DRG2: variants seen among roughly 807,000 people sequenced by gnomAD.
The protein encoded by DRG2 is developmentally regulated GTP binding protein 2, also known as developmentally-regulated GTP-binding protein 2.
DRG2 carries 36 observed loss-of-function variants against 53.4 expected under a neutral mutation model. The observed-to-expected ratio is 0.67, with a 90% CI of 0.52 to 0.89. DRG2 has a LOEUF of 0.89. Among genes scored for constraint, DRG2 ranks in the 40% least tolerant of loss-of-function variants. The probability of loss-of-function intolerance (pLI) is 0.00; values close to 1 mark genes in which losing one functional copy is unlikely to be tolerated. For missense variants in DRG2, 342 were observed against 481.2 expected (o/e 0.71, Z 2.71); for synonymous variants, 167 against 192.1 (o/e 0.87, Z 1.08).
Position 18,104,561 on chromosome 17 carries a change from A to T in DRG2, c.896-62A>T. On this transcript the variant is annotated intron_variant, in intron 10 of 12. Coordinates refer to ENST00000225729, the MANE Select transcript of DRG2 (RefSeq NM_001388.5). The stretch of plus-strand genomic sequence containing the variant: ...GTGGCCAGCTCTTCCCTCGCGCAGA[A>T]TCACAAGATGGCAGTGTGGGCCCTG... 5.6e-6 allele frequency: 9 copies of T among 1,611,014 alleles called. No individual in the cohort carries two copies. The South Asian group carries it at 9.9e-5, about 18-fold the overall frequency.
rs886251567 is a variant in DRG2 at position 18,087,951 on chromosome 17, C to G, written c.-73C>G. 2.0e-6 allele frequency: 3 copies of G among 1,512,408 alleles called. No individual in the cohort carries two copies. Among genetic ancestry groups the G allele is most frequent in the Admixed American group, 2.0e-5 (1 of 49,876 alleles). The allele number at this position is 1,512,408 out of a possible 1,614,324, so 93.7% of individuals were successfully genotyped here. A position where few individuals can be genotyped will look rare whatever the true frequency, so the allele number is the denominator to read the frequency against. Reference sequence around the variant, plus strand: ...CTTTGGCTTCCGGGCGCACGCTACTCTGTCGCCGCCGTCAGACCGGAATTG... The same window carrying G: ...CTTTGGCTTCCGGGCGCACGCTACTGTGTCGCCGCCGTCAGACCGGAATTG... On this transcript the variant is annotated 5_prime_UTR_variant, in exon 1 of 13. Coordinates refer to ENST00000225729, the MANE Select transcript of DRG2 (RefSeq NM_001388.5).
In DRG2 at chr17:18,099,666, C is replaced by T. The variant is rs763354888; in HGVS notation, c.410C>T (p.Ala137Val). 8.1e-6 allele frequency: 13 copies of T among 1,607,450 alleles called. No individual in the cohort carries two copies. The highest frequency in any genetic ancestry group is 4.5e-5 in the South Asian group (4 of 89,318). The stretch of plus-strand genomic sequence containing the variant: ...CGTGGCCGGCAGGTGATCGCTGTGG[C>T]GCGCACGGCTGACGTCATCATCATG... ...KGRGRQVIAVARTADVIIMML... is the reference protein window; with the variant it reads ...KGRGRQVIAVVRTADVIIMML... Residue 137 changes from alanine (A) to valine (V), a missense_variant, in exon 5 of 13, where the codon GCG (alanine) becomes GTG (valine). Transcript: ENST00000225729. This position sits in a 1 kb window ranked among gnomAD's most constrained non-coding sequence, Gnocchi z 4.4.
At position 18,099,896 on chromosome 17, in the gene DRG2, G is replaced by T; in HGVS notation, c.467+173G>T. 1.5e-6 allele frequency: 1 copy of T among 674,482 alleles called. No homozygotes were observed. The highest frequency in any genetic ancestry group is 2.6e-6 in the Non-Finnish European group (1 of 391,348). 41.8% of individuals were successfully genotyped at this position (674,482 alleles called of 1,614,324 possible). On this transcript the variant is annotated intron_variant, in intron 5 of 12. Transcript: ENST00000225729. The surrounding 1 kb of genome is among the most constrained non-coding windows in gnomAD (Gnocchi z 4.4). ...CAGCCTATGGCGTCTTCTCCTCAAG[G>T]CTTGTGTCCAGCCAGCACAGAGGTA... is the stretch of plus-strand genomic sequence containing the variant.
At position 18,101,217 on chromosome 17, in the gene DRG2, C is replaced by G. The variant is rs1163430375; in HGVS notation, c.632-276C>G. Among the ~76,000 whole-genome samples, 8 of 152,200 alleles carry G rather than the reference C, an allele frequency of 5.3e-5. No homozygotes were observed. The East Asian group carries it at 9.6e-4, about 18-fold the overall frequency. On this transcript the variant is annotated intron_variant, in intron 7 of 12. Coordinates refer to ENST00000225729, the MANE Select transcript of DRG2 (RefSeq NM_001388.5). ...TCCTGGTGCTAAAACCCAGGCTTCC[C>G]CTGAGGGGCTTTGGGGATTCTAGCA...
At chr17:18,094,251 G>A in intron 2 of DRG2, 1 of 353,036 alleles carries the variant, frequency 2.8e-6, no homozygotes, top group Non-Finnish European at 5.3e-6. Flanking sequence ...GCTGGGCACT[G>A]TGCCAGGGAC....
In DRG2 at chr17:18,107,243, GCGCCTGCCGGGCCTCC is replaced by G. The variant is rs1248006509; in HGVS notation, c.*8_*23del. ...TCATCCAGATCGTGAAGAAGTAACG[GCGCCTGCCGGGCCTCC>G]CGCCCACCTGCCTCGTCTCCCTGGG... is the stretch of plus-strand genomic sequence containing the variant. On this transcript the variant is annotated 3_prime_UTR_variant, in exon 13 of 13. Coordinates refer to ENST00000225729, the MANE Select transcript of DRG2 (RefSeq NM_001388.5). The G allele has an allele frequency of 6.2e-6, 10 of 1,612,096 alleles. No homozygotes were observed. In the South Asian group the frequency reaches 8.8e-5, roughly 14 times the overall value.
Position 18,102,246 on chromosome 17 carries a change from C to T in DRG2, c.806+249C>T, listed in dbSNP as rs555295483. ...TTGGCCCATTCCAGTTCTGAATTGC[C>T]GTGGGCAGGGTGGGTGACGTCTTGT... On this transcript the variant is annotated intron_variant, in intron 9 of 12. Coordinates refer to ENST00000225729, the MANE Select transcript of DRG2 (RefSeq NM_001388.5). Among the ~76,000 whole-genome samples the T allele has an allele frequency of 5.3e-5, 8 of 152,306 alleles. No individual in the cohort carries two copies. The East Asian group carries it at 5.8e-4, about 11-fold the overall frequency.
chr17:18,107,168 G>A lies in DRG2; in HGVS notation c.1023G>A (p.Lys341=). The part of the protein sequence containing the change: ...KYALVWGTST[K]YSPQRVGLTH... Reference sequence around the variant, plus strand: ...TCCTCACCCAGGGCACCAGCACCAAGTACAGTCCGCAGCGGGTGGGCCTGA... The same window carrying A: ...TCCTCACCCAGGGCACCAGCACCAAATACAGTCCGCAGCGGGTGGGCCTGA... The change falls in exon 13 of 13, where the codon AAG becomes AAA. Residue 341 remains lysine, a synonymous_variant. Transcript: ENST00000225729. 2 of 1,613,450 alleles carry A rather than the reference G, an allele frequency of 1.2e-6. No homozygotes were observed. Among genetic ancestry groups the A allele is most frequent in the Non-Finnish European group, 1.7e-6 (2 of 1,179,986 alleles).
chr17:18,097,143 C>G (rs1397311820), intron 2 of DRG2: 2 of 152,182 alleles, frequency 1.3e-5, no homozygotes, highest in Non-Finnish European at 2.9e-5. Flanking sequence ...GGAGTGGCCC[C>G]GAGGTTGGTT....
At chr17:18,092,068 A>C (rs1263106818) in intron 1 of DRG2, 1 of 152,180 alleles carries the variant, frequency 6.6e-6, no homozygotes, top group Non-Finnish European at 1.5e-5. Flanking sequence ...CTGCACCTCA[A>C]ATGATGGTAA....
rs2045484353 is a variant in DRG2 at position 18,099,262 on chromosome 17, G to A, written c.376+185G>A. The A allele has an allele frequency of 8.5e-6, 6 of 705,004 alleles. No homozygotes were observed. In the South Asian group the frequency reaches 1.1e-4, roughly 13 times the overall value. 43.7% of individuals were successfully genotyped at this position (705,004 alleles called of 1,614,324 possible). A position where few individuals can be genotyped will look rare whatever the true frequency, so the allele number is the denominator to read the frequency against. ...CTTGTGATCTTGGGCAAGTGATTGGGTATCTCTAAGCCAAGCCTCAGTTTC... is the reference window on the plus strand; with the variant it reads ...CTTGTGATCTTGGGCAAGTGATTGGATATCTCTAAGCCAAGCCTCAGTTTC... On this transcript the variant is annotated intron_variant, in intron 4 of 12. Coordinates refer to ENST00000225729, the MANE Select transcript of DRG2 (RefSeq NM_001388.5). This position sits in a 1 kb window ranked among gnomAD's most constrained non-coding sequence, Gnocchi z 4.4.
At chr17:18,093,784 C>T (rs1286776819) in intron 1 of DRG2, 29 bp from the exon 2 acceptor site, 1 of 1,606,714 alleles carries the variant, frequency 6.2e-7, no homozygotes, top group Admixed American at 1.7e-5. Context: ...CCTGGCCACT[C>T]ATCTTCTGTC....
intron 2 of DRG2, among the ~76,000 whole-genome samples, chr17:18,094,974 CAAAAAAA>C (rs1165321853): frequency 1.2e-4 from 3 of 25,306 alleles, no homozygotes; most frequent in Non-Finnish European, 1.7e-4. Flanking sequence ...AACTCCATCT[CAAAAAAA>C]AAAAAAAAAA....
At chr17:18,090,502 C>T (rs184113826) in intron 1 of DRG2, among the ~76,000 whole-genome samples, 7 of 144,446 alleles carry the variant, frequency 4.8e-5, no homozygotes, top group Admixed American at 1.4e-4. Flanking sequence ...CCGCAACCTC[C>T]GCCTCCCAGG....
Position 18,099,141 on chromosome 17 carries a change from G to A in DRG2, c.376+64G>A, listed in dbSNP as rs140748317. ...CTCTGTTACTGATCGTTGAAATTGG[G>A]TGTGGCTGTCATGGAGATCACTCTG... is the stretch of plus-strand genomic sequence containing the variant. On this transcript the variant is annotated intron_variant, in intron 4 of 12. Coordinates refer to ENST00000225729, the MANE Select transcript of DRG2 (RefSeq NM_001388.5). This position sits in a 1 kb window ranked among gnomAD's most constrained non-coding sequence, Gnocchi z 4.4. 1.7e-5 allele frequency: 28 copies of A among 1,604,384 alleles called. No homozygotes were observed. In the East Asian group the frequency reaches 5.8e-4, roughly 33 times the overall value.
Position 18,099,773 on chromosome 17 carries a change from TG to T in DRG2, c.467+51del. On this transcript the variant is annotated intron_variant, in intron 5 of 12. Transcript: ENST00000225729. This position sits in a 1 kb window ranked among gnomAD's most constrained non-coding sequence, Gnocchi z 4.4. ...GGCTCACATGTCTGGGGAGGGCCAA[TG>T]TGTCCCTGAGCTCGTACTAGGCGGC... 6.5e-7 allele frequency: 1 copy of T among 1,545,926 alleles called. No homozygotes were observed. Among genetic ancestry groups the T allele is most frequent in the Non-Finnish European group, 8.8e-7 (1 of 1,138,858 alleles).
intron 11 of DRG2, chr17:18,106,120 TC>T (rs1311591070): frequency 2.3e-6 from 1 of 426,132 alleles, no homozygotes; most frequent in East Asian, 4.4e-5. Flanking sequence ...GAGCATCTGT[TC>T]AGGCAAGGCA....
At position 18,100,747 on chromosome 17, in the gene DRG2, G is replaced by A. The variant is rs2045518159; in HGVS notation, c.631+88G>A. The A allele has an allele frequency of 1.5e-6, 2 of 1,346,998 alleles. No homozygotes were observed. Among genetic ancestry groups the A allele is most frequent in the Non-Finnish European group, 2.1e-6 (2 of 970,474 alleles). 83.4% of individuals were successfully genotyped at this position (1,346,998 alleles called of 1,614,324 possible). On this transcript the variant is annotated intron_variant, in intron 7 of 12. Coordinates refer to ENST00000225729, the MANE Select transcript of DRG2 (RefSeq NM_001388.5). The surrounding 1 kb of genome is among the most constrained non-coding windows in gnomAD (Gnocchi z 4.1). ...TGACTAAGACAGGAGGCCTCATGGAGCAGGGTGGCAGCAGGTCACCCCCAC... is the reference window on the plus strand; with the variant it reads ...TGACTAAGACAGGAGGCCTCATGGAACAGGGTGGCAGCAGGTCACCCCCAC...
chr17:18,093,678 GA>G, intron 1 of DRG2, 134 bp from the exon 2 acceptor site: 2 of 993,416 alleles, frequency 2.0e-6, no homozygotes, highest in Non-Finnish European at 2.9e-6. Flanking sequence ...TAAGCAGAGA[GA>G]TTTTTTTTTT....
Sources: allele counts gnomAD v4.1 joint callset (sites outside exome capture counted in the v4.1 genomes callset), GRCh38; gene constraint gnomAD v4.1.1; non-coding constraint Gnocchi (gnomAD v3.1); transcripts MANE v1.5; gene names NCBI Gene and HGNC (gene_info 2026-07-23, HGNC 2026-07-21).